The following ZNF420 variants were observed in gnomAD, a reference collection of about 807,000 sequenced individuals.
ZNF420 encodes ATM and p53-associated KZNF protein.
A neutral mutation model predicts 44.7 loss-of-function variants in ZNF420; 31 were observed. The ratio of observed to expected loss-of-function variants is 0.69; its 90% CI spans 0.52 to 0.94. ZNF420 has a LOEUF of 0.94. Ranked by LOEUF, ZNF420 falls within the 40% of genes least tolerant of loss-of-function variation. The pLI is 0.00. For missense variants in ZNF420, 681 were observed against 827.9 expected (o/e 0.82, Z 2.18); for synonymous variants, 245 against 267.4 (o/e 0.92, Z 0.82).
At chr19:37,020,452 C>A (rs987056027) in intron 1 of ZNF420, among the ~76,000 whole-genome samples, 2 of 152,174 alleles carry the variant, frequency 1.3e-5, no homozygotes, top group Non-Finnish European at 2.9e-5. Flanking sequence ...ACTCCCTAAA[C>A]CCTTAAATAT....
Position 37,128,151 on chromosome 19 carries a change from A to G in ZNF420, c.1160A>G (p.Asn387Ser), listed in dbSNP as rs377527086. The change falls in exon 5 of 5, where the codon AAT becomes AGT. Residue 387 changes from asparagine to serine, a missense_variant. Transcript: ENST00000337995. Reference sequence around the variant, plus strand: ...ACTCAACACCAGAGAATTCACACCAATGAAAAGCCCTATGAATGTAAGGAA... The same window carrying G: ...ACTCAACACCAGAGAATTCACACCAGTGAAAAGCCCTATGAATGTAAGGAA... ...QLTQHQRIHT[N>S]EKPYECKECG... The G allele has an allele frequency of 3.2e-5, 52 of 1,613,622 alleles. No homozygotes were observed. In the African/African-American group the frequency reaches 5.7e-4, roughly 18 times the overall value.
chr19:37,021,460 T>C (rs1414971768), intron 1 of ZNF420, among the ~76,000 whole-genome samples: 1 of 151,906 alleles, frequency 6.6e-6, no homozygotes, highest in Non-Finnish European at 1.5e-5. Context: ...AGAGATGGGG[T>C]GTCTCCATGT....
chr19:37,087,461 G>T (rs1968881027), intron 2 of ZNF420, among the ~76,000 whole-genome samples: 1 of 151,992 alleles, frequency 6.6e-6, no homozygotes, highest in African/African-American at 2.4e-5. Context: ...TTGTTAGGAT[G>T]GGCCCAAGTA....
intron 1 of ZNF420, among the ~76,000 whole-genome samples, chr19:37,063,789 TAAAG>T (rs1247500325): frequency 1.3e-5 from 2 of 152,136 alleles, no homozygotes; most frequent in African/African-American, 4.8e-5. Context: ...ATTACCAAAA[TAAAG>T]AAATTAACAT....
intron 1 of ZNF420, among the ~76,000 whole-genome samples, chr19:37,008,798 T>C (rs770596044): frequency 6.6e-6 from 1 of 152,210 alleles, no homozygotes; most frequent in Non-Finnish European, 1.5e-5. Flanking sequence ...CCTCTTGCTG[T>C]GTCTCCCGTT....
intron 4 of ZNF420, among the ~76,000 whole-genome samples, chr19:37,100,796 GTGTCA>G (rs1244474144): frequency 6.6e-6 from 1 of 152,172 alleles, no homozygotes; most frequent in African/African-American, 2.4e-5. Flanking sequence ...TTTCTGTGCA[GTGTCA>G]TTGGTGGTAT....
At chr19:37,020,045 G>A (rs970639667) in intron 1 of ZNF420, among the ~76,000 whole-genome samples, 2 of 151,772 alleles carry the variant, frequency 1.3e-5, no homozygotes, top group Non-Finnish European at 2.9e-5. Flanking sequence ...GTGAAACCCC[G>A]TCTCTACTAA....
intron 1 of ZNF420, among the ~76,000 whole-genome samples, chr19:37,020,013 C>T (rs886930255): frequency 2.6e-5 from 4 of 151,932 alleles, no homozygotes; most frequent in East Asian, 3.9e-4. Flanking sequence ...GTCAGGAGAT[C>T]GAGAACATCC....
chr19:37,087,766 C>CT (rs1375458457), intron 2 of ZNF420, among the ~76,000 whole-genome samples: 1 of 152,220 alleles, frequency 6.6e-6, no homozygotes, highest in Non-Finnish European at 1.5e-5. Flanking sequence ...CTGCCTCAGC[C>CT]TCCTGAGTAG....
chr19:37,058,074 T>A (rs1427074667), intron 1 of ZNF420, among the ~76,000 whole-genome samples: 2 of 152,164 alleles, frequency 1.3e-5, no homozygotes, highest in African/African-American at 4.8e-5. Flanking sequence ...TCTTGCTCTG[T>A]CTCTCCTGTT....
rs1180857032 is a variant in ZNF420 at position 37,127,359 on chromosome 19, ATACT to A, written c.375_378del (p.Ser127AsnfsTer27). ...GACAAAATGTCCATTTTCAACCAGC[ATACT>A]TACTTATCTCAACATTCAAGATGTC... On this transcript the variant is annotated frameshift_variant, in exon 5 of 5. Transcript: ENST00000337995. LOFTEE classifies it low-confidence loss of function (END_TRUNC). The A allele has an allele frequency of 6.2e-7, 1 of 1,612,836 alleles. No homozygotes were observed. The highest frequency in any genetic ancestry group is 1.1e-5 in the South Asian group (1 of 91,002).
chr19:37,087,397 C>G (rs1968878920), intron 2 of ZNF420, among the ~76,000 whole-genome samples: 1 of 151,838 alleles, frequency 6.6e-6, no homozygotes, highest in Non-Finnish European at 1.5e-5. Context: ...CCTCAGCTCT[C>G]TGATGAATTT....
chr19:37,112,239 G>A (rs1174332313), intron 4 of ZNF420, among the ~76,000 whole-genome samples: 1 of 151,776 alleles, frequency 6.6e-6, no homozygotes, highest in East Asian at 1.9e-4. Flanking sequence ...TTTTTTCCTA[G>A]TCCCTTTCCT....
chr19:37,091,921 C>T (rs1969170164), intron 4 of ZNF420: 1 of 122,566 alleles, frequency 8.2e-6, no homozygotes. Flanking sequence ...CAGAGCGAGA[C>T]TCCATCTCAA....
Position 37,087,286 on chromosome 19 carries a change from AAAAAAAAT to A in ZNF420, c.-80-1749_-80-1742del, listed in dbSNP as rs1051024028. On this transcript the variant is annotated intron_variant, in intron 2 of 4. Transcript: ENST00000337995. ...GTTGAGAGTGAGACCCTGTCTCAAA[AAAAAAAAT>A]AAATAAATAAATAAATAAATAAATA... Among the ~76,000 whole-genome samples, 12 of 42,456 alleles carry A rather than the reference AAAAAAAAT, an allele frequency of 2.8e-4. No individual in the cohort carries two copies. The African/African-American group carries it at 3.0e-3, about 11-fold the overall frequency. The allele number at this position is 42,456 out of a possible 152,430, so 27.9% of individuals were successfully genotyped here.
At chr19:37,014,317 C>T (rs949521947) in intron 1 of ZNF420, among the ~76,000 whole-genome samples, 2 of 152,172 alleles carry the variant, frequency 1.3e-5, no homozygotes, top group Admixed American at 6.5e-5. Context: ...TTTCAGCTGA[C>T]TCCCTCCCCT....
chr19:37,067,066 C>CA (rs1361903828), intron 1 of ZNF420, among the ~76,000 whole-genome samples: 3 of 152,062 alleles, frequency 2.0e-5, no homozygotes, highest in African/African-American at 7.2e-5. Flanking sequence ...ATTTCAATCC[C>CA]AATTATACGA....
chr19:37,040,915 C>T lies in ZNF420; in HGVS notation c.-125+32833C>T, dbSNP rs940114907. Among the ~76,000 whole-genome samples, 3 of 152,048 alleles carry T rather than the reference C, an allele frequency of 2.0e-5. No individual in the cohort carries two copies. In the East Asian group the frequency reaches 5.8e-4, roughly 29 times the overall value. The stretch of plus-strand genomic sequence containing the variant: ...CCCCAAATCTTCACAGCCCCCCAAA[C>T]TTCCCACCCTCCTCCTAAGCTAAAA... On this transcript the variant is annotated intron_variant, in intron 1 of 4. Coordinates refer to the ZNF420 transcript ENST00000587029.
rs12460098 is a variant in ZNF420, at chr19:37,071,188, A to G, written c.-124-9157A>G. ...AAACTTTGAAGCAACTCACATTTCT[A>G]TCAACTGAGAATGGATTTTAAAAAC... is the stretch of plus-strand genomic sequence containing the variant. On this transcript the variant is annotated intron_variant, in intron 1 of 4. Coordinates refer to the ZNF420 transcript ENST00000587029. Among the ~76,000 whole-genome samples the G allele has an allele frequency of 6.2e-3, 939 of 152,314 alleles. 28 individuals carry two copies. The highest frequency in any genetic ancestry group is 0.05 in the East Asian group (258 of 5,180).
Sources: allele counts gnomAD v4.1 joint callset (sites outside exome capture counted in the v4.1 genomes callset), GRCh38; gene constraint gnomAD v4.1.1; transcripts MANE v1.5; gene names NCBI Gene and HGNC (gene_info 2026-07-23, HGNC 2026-07-21).